The following CACNA2D3 variants were observed in gnomAD, a reference collection of about 807,000 sequenced individuals.
CACNA2D3 encodes the protein voltage-dependent calcium channel subunit alpha-2/delta-3.
A neutral mutation model predicts 160.6 loss-of-function variants in CACNA2D3; 60 were observed. That is an observed-to-expected ratio of 0.37 (90% CI 0.30 to 0.46). The LOEUF is 0.46. CACNA2D3 is among the 20% of genes least tolerant of loss of function. The pLI is 1.00. For synonymous variants in CACNA2D3, 558 were observed against 492.9 expected, an observed-to-expected ratio of 1.13 and a Z score of -1.75; for missense variants, 1,205 against 1,365.0, an observed-to-expected ratio of 0.88 and a Z score of 1.85.
chr3:54,892,549 C>A (rs1030902306), intron 25 of CACNA2D3, among the ~76,000 whole-genome samples: 1 of 152,184 alleles, frequency 6.6e-6, no homozygotes, highest in Admixed American at 6.5e-5. Flanking sequence ...TTGATACTCA[C>A]ATTTATCATC....
intron 11 of CACNA2D3, among the ~76,000 whole-genome samples, chr3:54,750,465 A>G (rs928060587): frequency 6.6e-6 from 1 of 152,168 alleles, no homozygotes; most frequent in Non-Finnish European, 1.5e-5. Flanking sequence ...ATTCCAGTTC[A>G]TCCTGGATTC....
chr3:54,208,353 C>G (rs1701309050), intron 2 of CACNA2D3, among the ~76,000 whole-genome samples: 1 of 152,198 alleles, frequency 6.6e-6, no homozygotes. Flanking sequence ...AGTGATCTGT[C>G]TATCTCGGCC....
In CACNA2D3 at chr3:54,969,817, C is replaced by T. The variant is rs748516481; in HGVS notation, c.2529C>T (p.Gly843=). The change falls in exon 29 of 38, where the codon GGC becomes GGT. Residue 843 remains glycine (G), a synonymous_variant. Coordinates refer to ENST00000474759, the MANE Select transcript of CACNA2D3 (RefSeq NM_018398.3). ...CTTCACAGTGTGCTTCCCTGGATGG[C>T]AAATGCTCCATCAGCTGTGATGATG... ...TASRQCASLD[G]KCSISCDDET... is the part of the protein sequence containing the mutation. The T allele has an allele frequency of 2.5e-6, 4 of 1,613,486 alleles. No homozygotes were observed. The highest frequency in any genetic ancestry group is 3.4e-6 in the Non-Finnish European group (4 of 1,179,650).
chr3:54,698,493 T>C (rs1042410869), intron 11 of CACNA2D3, among the ~76,000 whole-genome samples: 3 of 152,228 alleles, frequency 2.0e-5, no homozygotes, highest in Non-Finnish European at 4.4e-5. Flanking sequence ...TGTTTAATAT[T>C]CTGCTCTGAA....
intron 14 of CACNA2D3, 87 bp downstream of exon 14, chr3:54,816,957 A>T (rs948216653): frequency 4.0e-5 from 58 of 1,461,238 alleles, no homozygotes; most frequent in Admixed American, 1.6e-4. Context: ...GACACTGTTC[A>T]TGACCAGTGA....
At chr3:54,947,346 A>G (rs1701641940) in intron 27 of CACNA2D3, among the ~76,000 whole-genome samples, 1 of 152,148 alleles carries the variant, frequency 6.6e-6, no homozygotes, top group Admixed American at 6.5e-5. Context: ...ATGCAAACCT[A>G]AGAGACAGAA....
intron 2 of CACNA2D3, among the ~76,000 whole-genome samples, chr3:54,281,415 A>G (rs1224276145): frequency 3.9e-5 from 6 of 152,088 alleles, no homozygotes; most frequent in African/African-American, 1.4e-4. Context: ...CTAGGTATAG[A>G]GGCCTGGTGA....
At chr3:54,188,446 G>A (rs913263310) in intron 2 of CACNA2D3, among the ~76,000 whole-genome samples, 17 of 152,136 alleles carry the variant, frequency 1.1e-4, no homozygotes, top group African/African-American at 4.1e-4. Flanking sequence ...TAGCGTTCTC[G>A]GCAGAGTCTG....
chr3:54,480,081 A>G (rs903865933), intron 4 of CACNA2D3, among the ~76,000 whole-genome samples: 6 of 151,764 alleles, frequency 4.0e-5, no homozygotes, highest in African/African-American at 1.5e-4. Context: ...AGGACTTAAA[A>G]CTCTCCTGTC....
chr3:54,750,873 A>G (rs1575456816), intron 11 of CACNA2D3, among the ~76,000 whole-genome samples: 1 of 151,520 alleles, frequency 6.6e-6, no homozygotes, highest in African/African-American at 2.4e-5. Flanking sequence ...AGGTTCAAGC[A>G]ATTCTCCTGC....
intron 11 of CACNA2D3, among the ~76,000 whole-genome samples, chr3:54,727,010 A>G (rs1027890162): frequency 3.9e-5 from 6 of 152,210 alleles, no homozygotes; most frequent in African/African-American, 1.4e-4. Context: ...TTTGCAATCT[A>G]TCCAGCTGAC....
rs565471759 is a variant in CACNA2D3, at chr3:54,898,057, C to G, written c.2368+1187C>G. ...TCTCAAATGTAAATTTCCAGGTGTC[C>G]GAAGCTCGCTTGCTTGCTTGCTTGC... is the stretch of plus-strand genomic sequence containing the variant. On this transcript the variant is annotated intron_variant, in intron 26 of 37. Transcript: ENST00000474759. 3.5e-5 allele frequency among the ~76,000 whole-genome samples: 5 copies of G among 141,816 alleles called. No homozygotes were observed. The East Asian group carries it at 9.8e-4, about 28-fold the overall frequency. The allele number at this position is 141,816 out of a possible 152,430, so 93.0% of individuals were successfully genotyped here.
chr3:54,817,259 A>G (rs761435241), intron 14 of CACNA2D3, among the ~76,000 whole-genome samples: 8 of 152,208 alleles, frequency 5.3e-5, no homozygotes, highest in Non-Finnish European at 1.2e-4. Context: ...CCAAGTTTAA[A>G]TTTGGGGCTC....
intron 17 of CACNA2D3, among the ~76,000 whole-genome samples, chr3:54,856,774 TTTCG>T (rs1699181081): frequency 1.3e-5 from 2 of 152,028 alleles, no homozygotes; most frequent in African/African-American, 2.4e-5. Flanking sequence ...ATGATGGTTT[TTTCG>T]TTTGTTTGTT....
At chr3:54,648,470 C>G (rs531505848) in intron 11 of CACNA2D3, among the ~76,000 whole-genome samples, 15 of 152,290 alleles carry the variant, frequency 9.8e-5, no homozygotes, top group Non-Finnish European at 1.9e-4. Context: ...TCTAAAGGAA[C>G]CTTTTAAAAA....
At chr3:54,993,347 T>C (rs1702783382) in intron 31 of CACNA2D3, among the ~76,000 whole-genome samples, 1 of 152,198 alleles carries the variant, frequency 6.6e-6, no homozygotes, top group Non-Finnish European at 1.5e-5. Flanking sequence ...AAGCAAAGGC[T>C]CTTCCACCCT....
At chr3:54,642,263 C>A in intron 11 of CACNA2D3, 22 bp downstream of exon 11, 4 of 1,445,710 alleles carry the variant, frequency 2.8e-6, no homozygotes, top group Non-Finnish European at 3.9e-6. Flanking sequence ...CTGATCCCGT[C>A]TGTGCGGTGG....
chr3:54,179,477 C>T lies in CACNA2D3; in HGVS notation c.204+55883C>T, dbSNP rs557258473. Among the ~76,000 whole-genome samples, 59 of 152,290 alleles carry T rather than the reference C, an allele frequency of 3.9e-4. 1 individual carries two copies. Among genetic ancestry groups the T allele is most frequent in the South Asian group, 3.1e-3 (15 of 4,828 alleles). On this transcript the variant is annotated intron_variant, in intron 2 of 37. Transcript: ENST00000474759. ...AGATGTTATGTTCTAAGGCAGCTGT[C>T]TACGCCCTCATGCCTCCTGCCCAGT...
At position 54,565,829 on chromosome 3, in the gene CACNA2D3, A is replaced by G. The variant is rs114101959; in HGVS notation, c.676+2898A>G. Among the ~76,000 whole-genome samples the G allele has an allele frequency of 4.7e-3, 709 of 152,258 alleles. 3 individuals are homozygous for G. The highest frequency in any genetic ancestry group is 0.016 in the African/African-American group (660 of 41,548). ...TGAACAGATGACTTCATTAGGCTCT[A>G]TAGTTCTTACTTTATAAAATGGGAA... On this transcript the variant is annotated intron_variant, in intron 6 of 37. Transcript: ENST00000474759.
Sources: gnomAD v4.1 joint callset for allele counts (sites outside exome capture counted in the v4.1 genomes callset) on GRCh38, gnomAD v4.1.1 for gene constraint, MANE v1.5 for transcripts, NCBI Gene and HGNC (gene_info 2026-07-23, HGNC 2026-07-21) for gene names.